The following PDE4D variants were observed in gnomAD, a reference collection of about 807,000 sequenced individuals.
PDE4D encodes phosphodiesterase 4D, also known as 3',5'-cyclic-AMP phosphodiesterase 4D.
A neutral mutation model predicts 87.4 loss-of-function variants in PDE4D; 24 were observed. That is an observed-to-expected ratio of 0.27 (90% CI 0.20 to 0.39). PDE4D has a LOEUF of 0.39. Among genes scored for constraint, PDE4D ranks in the 10% least tolerant of loss-of-function variants. PDE4D has a pLI of 1.00. For synonymous variants in PDE4D, 384 were observed against 383.2 expected, an observed-to-expected ratio of 1.00 and a Z score of -0.02; for missense variants, 714 against 1,041.0, an observed-to-expected ratio of 0.69 and a Z score of 4.32.
chr5:59,900,205 ACTC>A (rs1207073786), intron 3 of PDE4D, among the ~76,000 whole-genome samples: 2 of 149,962 alleles, frequency 1.3e-5, no homozygotes, highest in Admixed American at 6.8e-5. Context: ...ACACCACTGC[ACTC>A]TAACCCAGGC....
chr5:60,173,417 A>T (rs1415890500), intron 2 of PDE4D, among the ~76,000 whole-genome samples: 1 of 152,150 alleles, frequency 6.6e-6, no homozygotes, highest in African/African-American at 2.4e-5. Context: ...TGTTATTCTT[A>T]TTAGTCACAT....
At chr5:59,491,591 T>G (rs1014759652) in intron 1 of PDE4D, among the ~76,000 whole-genome samples, 1 of 152,216 alleles carries the variant, frequency 6.6e-6, no homozygotes, top group African/African-American at 2.4e-5. Context: ...GCCTTGGTTA[T>G]GCAAAATTCA....
intron 1 of PDE4D, among the ~76,000 whole-genome samples, chr5:59,757,371 A>G (rs190761683): frequency 1.3e-5 from 2 of 152,312 alleles, no homozygotes; most frequent in Admixed American, 6.5e-5. Flanking sequence ...TGAATCACAG[A>G]AAACAATCTC....
intron 5 of PDE4D, among the ~76,000 whole-genome samples, chr5:59,065,067 TACACAC>T (rs10563874): frequency 0.028 from 2,535 of 89,238 alleles, 72 homozygotes; most frequent in Middle Eastern, 0.074. Flanking sequence ...GATATATATA[TACACAC>T]ACACACACAC....
At chr5:60,191,181 T>G (rs1256132911) in intron 1 of PDE4D, among the ~76,000 whole-genome samples, 1 of 152,188 alleles carries the variant, frequency 6.6e-6, no homozygotes. Context: ...AAAAGTATGT[T>G]GTACCACAAA....
At chr5:59,552,604 C>T (rs899910548) in intron 1 of PDE4D, among the ~76,000 whole-genome samples, 2 of 152,136 alleles carry the variant, frequency 1.3e-5, no homozygotes, top group Non-Finnish European at 2.9e-5. Flanking sequence ...TCTTCTGTTG[C>T]TATTTCACTG....
At chr5:60,498,535 G>A (rs1312016144) in intron 1 of PDE4D, among the ~76,000 whole-genome samples, 1 of 152,204 alleles carries the variant, frequency 6.6e-6, no homozygotes, top group African/African-American at 2.4e-5. Flanking sequence ...GGGATGGCCA[G>A]CATCCTAGCT....
chr5:59,320,736 A>G (rs953967524), intron 1 of PDE4D, among the ~76,000 whole-genome samples: 3 of 152,104 alleles, frequency 2.0e-5, no homozygotes, highest in African/African-American at 7.2e-5. Flanking sequence ...CTAGGCTTTT[A>G]AAAATTGTGA....
At chr5:59,908,410 A>G (rs1486915386) in intron 3 of PDE4D, among the ~76,000 whole-genome samples, 2 of 152,226 alleles carry the variant, frequency 1.3e-5, no homozygotes, top group African/African-American at 4.8e-5. Flanking sequence ...AGCAGCATCC[A>G]CTGTACCCAA....
chr5:59,426,717 T>C (rs1795278768), intron 1 of PDE4D, among the ~76,000 whole-genome samples: 1 of 152,132 alleles, frequency 6.6e-6, no homozygotes, highest in Non-Finnish European at 1.5e-5. Flanking sequence ...GCACTTGCTT[T>C]CCATTGCCTT....
intron 5 of PDE4D, among the ~76,000 whole-genome samples, chr5:59,125,671 G>T (rs1430722171): frequency 2.6e-5 from 4 of 152,170 alleles, no homozygotes; most frequent in African/African-American, 9.7e-5. Context: ...GTTTTTCACT[G>T]CAGGAAATGA....
intron 1 of PDE4D, among the ~76,000 whole-genome samples, chr5:59,630,634 A>T (rs944465694): frequency 2.0e-5 from 3 of 152,232 alleles, no homozygotes; most frequent in Non-Finnish European, 2.9e-5. Flanking sequence ...GAATGGCTTT[A>T]TAGAAATGTT....
At chr5:60,306,954 A>G (rs1754552788) in intron 1 of PDE4D, among the ~76,000 whole-genome samples, 1 of 152,134 alleles carries the variant, frequency 6.6e-6, no homozygotes, top group Non-Finnish European at 1.5e-5. Flanking sequence ...ATGGAAGCCT[A>G]TTGTATTCAT....
At chr5:59,218,416 A>G (rs932831687) in intron 1 of PDE4D, among the ~76,000 whole-genome samples, 2 of 152,154 alleles carry the variant, frequency 1.3e-5, no homozygotes, top group Non-Finnish European at 2.9e-5. Flanking sequence ...ACACTCCACT[A>G]TAAGTTTTGA....
At chr5:59,788,243 A>G (rs1765383151) in intron 1 of PDE4D, among the ~76,000 whole-genome samples, 1 of 152,196 alleles carries the variant, frequency 6.6e-6, no homozygotes, top group Non-Finnish European at 1.5e-5. Flanking sequence ...AAAAAGAGAC[A>G]AGGTTTGAAA....
chr5:59,112,306 G>A (rs1029806128), intron 5 of PDE4D, among the ~76,000 whole-genome samples: 12 of 152,160 alleles, frequency 7.9e-5, no homozygotes, highest in East Asian at 3.8e-4. Context: ...AGATGAAACA[G>A]GGGTCAAATT....
At chr5:59,668,784 G>A (rs1224151924) in intron 1 of PDE4D, among the ~76,000 whole-genome samples, 1 of 140,316 alleles carries the variant, frequency 7.1e-6, no homozygotes, top group Non-Finnish European at 1.5e-5. Context: ...GAAAGAAGAA[G>A]AAGAAGAAAG....
chr5:59,128,751 G>T (rs1279867743), intron 5 of PDE4D, among the ~76,000 whole-genome samples: 4 of 152,186 alleles, frequency 2.6e-5, no homozygotes, highest in Non-Finnish European at 5.9e-5. Context: ...CCCATAGTAA[G>T]CTTATTAGGA....
At chr5:59,814,368 C>CATGCTATCT (rs1417167445) in intron 1 of PDE4D, among the ~76,000 whole-genome samples, 7 of 152,142 alleles carry the variant, frequency 4.6e-5, no homozygotes, top group Non-Finnish European at 7.3e-5. Flanking sequence ...CTGACCCCTG[C>CATGCTATCT]ATGCTATCTA....
Sources: gnomAD v4.1 joint callset for allele counts (sites outside exome capture counted in the v4.1 genomes callset) on GRCh38, gnomAD v4.1.1 for gene constraint, MANE v1.5 for transcripts, NCBI Gene and HGNC (gene_info 2026-07-23, HGNC 2026-07-21) for gene names.